EPHA6: variants seen among roughly 807,000 people sequenced by gnomAD.
EPHA6 encodes ephrin type-A receptor 6.
Under a neutral mutation model 112.0 loss-of-function variants are expected in EPHA6, and 50 were observed. The observed-to-expected ratio is 0.45, with a 90% CI of 0.36 to 0.56. The LOEUF (loss-of-function observed/expected upper bound fraction) is 0.56, where lower values mean the gene tolerates loss of function less well. EPHA6 is among the 20% of genes least tolerant of loss of function. EPHA6 has a pLI of 0.00. For missense variants in EPHA6, 1,280 were observed against 1,417.4 expected (o/e 0.90, Z 1.56); for synonymous variants, 529 against 490.7 (o/e 1.08, Z -1.03).
intron 2 of EPHA6, among the ~76,000 whole-genome samples, chr3:96,908,131 T>C (rs1442862148): frequency 6.6e-6 from 1 of 151,958 alleles, no homozygotes; most frequent in African/African-American, 2.4e-5. Context: ...ATAGAAAGGG[T>C]ACACTAAGCC....
chr3:97,325,662 T>A (rs1029504593), intron 5 of EPHA6, among the ~76,000 whole-genome samples: 22 of 152,252 alleles, frequency 1.4e-4, no homozygotes, highest in African/African-American at 5.3e-4. Context: ...GGTATTTCTC[T>A]CACTTCAGCC....
intron 2 of EPHA6, among the ~76,000 whole-genome samples, chr3:96,945,699 GAA>G (rs202091909): frequency 6.6e-6 from 1 of 151,580 alleles, no homozygotes; most frequent in African/African-American, 2.4e-5. Context: ...ATTAAATGAT[GAA>G]AAAAATATAT....
At chr3:97,417,613 CAA>C (rs374137901) in intron 6 of EPHA6, among the ~76,000 whole-genome samples, 1 of 147,996 alleles carries the variant, frequency 6.8e-6, no homozygotes, top group Non-Finnish European at 1.5e-5. Flanking sequence ...TTCTCTTGTC[CAA>C]AAAAAAAATC....
chr3:97,313,150 A>G (rs2081640877), intron 5 of EPHA6, among the ~76,000 whole-genome samples: 1 of 151,498 alleles, frequency 6.6e-6, no homozygotes, highest in Non-Finnish European at 1.5e-5. Context: ...TTTTACATAT[A>G]AGTGAGATTA....
chr3:97,644,608 C>T (rs2094041106), intron 14 of EPHA6, among the ~76,000 whole-genome samples: 1 of 151,898 alleles, frequency 6.6e-6, no homozygotes, highest in Non-Finnish European at 1.5e-5. Flanking sequence ...AAGGGGATAT[C>T]ACCAACGATC....
intron 11 of EPHA6, among the ~76,000 whole-genome samples, chr3:97,545,096 C>T (rs1489250890): frequency 6.6e-6 from 1 of 151,942 alleles, no homozygotes; most frequent in African/African-American, 2.4e-5. Context: ...TTATTTCTTG[C>T]CTTCTGCTAG....
chr3:97,662,419 G>A lies in EPHA6; in HGVS notation c.2784+24337G>A, dbSNP rs13317755. 3.0e-3 allele frequency among the ~76,000 whole-genome samples: 461 copies of A among 152,166 alleles called. 2 individuals are homozygous for A. The highest frequency in any genetic ancestry group is 0.01 in the African/African-American group (421 of 41,532). Reference sequence around the variant, plus strand: ...GGGATTCTTCTTTAGTGAAAATATCGTAGGCCCAGTCACAGACCCTGTCCC... The same window carrying A: ...GGGATTCTTCTTTAGTGAAAATATCATAGGCCCAGTCACAGACCCTGTCCC... On this transcript the variant is annotated intron_variant, in intron 14 of 17. Coordinates refer to ENST00000389672, the MANE Select transcript of EPHA6 (RefSeq NM_001080448.3).
chr3:96,865,696 A>AAC (rs1181971104), intron 1 of EPHA6, among the ~76,000 whole-genome samples: 12 of 108,404 alleles, frequency 1.1e-4, no homozygotes, highest in East Asian at 7.1e-4. Flanking sequence ...AAAACAAACA[A>AAC]AAAAAAAAAA....
At chr3:97,214,481 CAAAAAAAAAA>C (rs1166034294) in intron 3 of EPHA6, among the ~76,000 whole-genome samples, 1 of 63,036 alleles carries the variant, frequency 1.6e-5, no homozygotes, top group Non-Finnish European at 3.8e-5. Context: ...AACTTTGTCT[CAAAAAAAAAA>C]AAAAAAAAGA....
At position 97,294,422 on chromosome 3, in the gene EPHA6, A is replaced by G. The variant is rs551878372; in HGVS notation, c.1606+50135A>G. The stretch of plus-strand genomic sequence containing the variant: ...AGTCTCTATGTGTCTTTACAAGTGA[A>G]GTGTGTGTCTTCTTTGCATGACATA... On this transcript the variant is annotated intron_variant, in intron 5 of 17. Coordinates refer to ENST00000389672, the MANE Select transcript of EPHA6 (RefSeq NM_001080448.3). 5.9e-5 allele frequency among the ~76,000 whole-genome samples: 9 copies of G among 152,330 alleles called. No homozygotes were observed. The South Asian group carries it at 1.9e-3, about 32-fold the overall frequency.
intron 1 of EPHA6, among the ~76,000 whole-genome samples, chr3:96,823,714 C>T (rs1281607714): frequency 1.3e-5 from 2 of 151,554 alleles, no homozygotes; most frequent in African/African-American, 4.8e-5. Context: ...AGCATTAATG[C>T]CTCATCAAAA....
At chr3:97,142,484 A>G (rs139635258) in intron 3 of EPHA6, among the ~76,000 whole-genome samples, 2 of 152,102 alleles carry the variant, frequency 1.3e-5, no homozygotes, top group East Asian at 1.9e-4. Context: ...CACAAATGAT[A>G]AAAGTGACAT....
intron 5 of EPHA6, among the ~76,000 whole-genome samples, chr3:97,365,563 T>G (rs2084673302): frequency 6.6e-6 from 1 of 152,118 alleles, no homozygotes; most frequent in African/African-American, 2.4e-5. Flanking sequence ...TGTATTTTTG[T>G]ATTTTTAGTA....
intron 7 of EPHA6, among the ~76,000 whole-genome samples, chr3:97,472,812 G>A (rs577360201): frequency 1.3e-3 from 198 of 151,838 alleles, no homozygotes; most frequent in Middle Eastern, 3.4e-3. Flanking sequence ...TTGTTGTAGG[G>A]TAACCAAAAC....
chr3:96,860,861 AG>A (rs1382780800), intron 1 of EPHA6, among the ~76,000 whole-genome samples: 2 of 152,172 alleles, frequency 1.3e-5, no homozygotes. Context: ...GTCAAAATAG[AG>A]GAAGCATCTA....
At chr3:97,441,473 G>C in intron 6 of EPHA6, 2 of 957,832 alleles carry the variant, frequency 2.1e-6, no homozygotes, top group Non-Finnish European at 2.5e-6. Flanking sequence ...TGCCAAAAAT[G>C]TAAGTCAGAC....
At chr3:97,459,464 G>C (rs554438280) in intron 7 of EPHA6, among the ~76,000 whole-genome samples, 1 of 152,170 alleles carries the variant, frequency 6.6e-6, no homozygotes, top group Non-Finnish European at 1.5e-5. Flanking sequence ...GGAATGGTGG[G>C]GATGATGATC....
At chr3:97,683,121 A>G (rs1179275119) in intron 14 of EPHA6, among the ~76,000 whole-genome samples, 1 of 152,166 alleles carries the variant, frequency 6.6e-6, no homozygotes, top group Non-Finnish European at 1.5e-5. Context: ...CTCCTTTGAG[A>G]ATAAAAAGAG....
intron 1 of EPHA6, among the ~76,000 whole-genome samples, chr3:96,838,592 T>C (rs1399002386): frequency 6.6e-6 from 1 of 152,110 alleles, no homozygotes; most frequent in Admixed American, 6.6e-5. Flanking sequence ...GTACCCAGAA[T>C]AATTATAATT....
Sources: gnomAD v4.1 joint callset for allele counts (sites outside exome capture counted in the v4.1 genomes callset) on GRCh38, gnomAD v4.1.1 for gene constraint, MANE v1.5 for transcripts, NCBI Gene and HGNC (gene_info 2026-07-23, HGNC 2026-07-21) for gene names.